KLHL29: variants seen among roughly 807,000 people sequenced by gnomAD.
KLHL29 encodes kelch like family member 29, also known as kelch-like protein 29.
A neutral mutation model predicts 80.4 loss-of-function variants in KLHL29; 21 were observed. The observed-to-expected ratio is 0.26, with a 90% CI of 0.19 to 0.38. KLHL29 has a LOEUF of 0.38. Among genes scored for constraint, KLHL29 ranks in the 10% least tolerant of loss-of-function variants. KLHL29 has a pLI of 1.00. For missense variants in KLHL29, 867 were observed against 1,223.9 expected (o/e 0.71, Z 4.35); for synonymous variants, 511 against 526.8 (o/e 0.97, Z 0.41).
chr2:23,419,928 A>G (rs1363878505), intron 1 of KLHL29, among the ~76,000 whole-genome samples: 2 of 151,078 alleles, frequency 1.3e-5, no homozygotes, highest in Non-Finnish European at 2.9e-5. Context: ...TGACTTCACC[A>G]CTCCCTTCTC....
At chr2:23,446,824 G>A (rs1045392929) in intron 1 of KLHL29, among the ~76,000 whole-genome samples, 26 of 152,136 alleles carry the variant, frequency 1.7e-4, no homozygotes, top group African/African-American at 5.1e-4. Flanking sequence ...ATATATTGTC[G>A]AAAGAGGAGG....
intron 2 of KLHL29, among the ~76,000 whole-genome samples, chr2:23,484,706 C>T (rs755399906): frequency 6.6e-6 from 1 of 152,226 alleles, no homozygotes; most frequent in Non-Finnish European, 1.5e-5. Context: ...TCAAGGCTTT[C>T]TGAAATGCAT....
chr2:23,396,949 T>A (rs1666467528), intron 1 of KLHL29, among the ~76,000 whole-genome samples: 1 of 152,192 alleles, frequency 6.6e-6, no homozygotes, highest in Non-Finnish European at 1.5e-5. Flanking sequence ...AGTCGCTTTT[T>A]TTTCTCTGTA....
At chr2:23,443,522 A>G (rs975641550) in intron 1 of KLHL29, among the ~76,000 whole-genome samples, 30 of 152,316 alleles carry the variant, frequency 2.0e-4, no homozygotes, top group Admixed American at 3.9e-4. Context: ...TGACTGTTGG[A>G]AGAGACCAGG....
intron 2 of KLHL29, among the ~76,000 whole-genome samples, chr2:23,510,611 C>T (rs1665739227): frequency 6.6e-6 from 1 of 152,336 alleles, no homozygotes; most frequent in Non-Finnish European, 1.5e-5. Flanking sequence ...AACAATAAGG[C>T]CTGGCTTATC....
chr2:23,425,692 G>A (rs1173941503), intron 1 of KLHL29, among the ~76,000 whole-genome samples: 1 of 152,246 alleles, frequency 6.6e-6, no homozygotes, highest in Non-Finnish European at 1.5e-5. Flanking sequence ...CCGCTAAGCT[G>A]CTTTGCCAGC....
intron 11 of KLHL29, 78 bp from the exon 12 acceptor site, chr2:23,703,108 G>A: frequency 9.1e-7 from 1 of 1,097,218 alleles, no homozygotes; most frequent in East Asian, 3.2e-5. Context: ...GCAGATGGCA[G>A]TTTGCTGCCC....
At chr2:23,597,423 T>A (rs1668456261) in intron 3 of KLHL29, among the ~76,000 whole-genome samples, 1 of 94,798 alleles carries the variant, frequency 1.1e-5, no homozygotes, top group African/African-American at 4.1e-5. Flanking sequence ...TTTTTTTTTT[T>A]TTTTTTTTTT....
intron 4 of KLHL29, among the ~76,000 whole-genome samples, chr2:23,641,416 G>T (rs1247313929): frequency 6.6e-6 from 1 of 152,120 alleles, no homozygotes; most frequent in Non-Finnish European, 1.5e-5. Flanking sequence ...CTCCCCTCCT[G>T]CGAGGACCAT....
At chr2:23,664,411 G>A (rs1670499919) in intron 5 of KLHL29, among the ~76,000 whole-genome samples, 1 of 152,126 alleles carries the variant, frequency 6.6e-6, no homozygotes, top group African/African-American at 2.4e-5. Flanking sequence ...GGGGCTTTGG[G>A]TTCTAAATTT....
chr2:23,527,364 C>T (rs1297547877), intron 2 of KLHL29, among the ~76,000 whole-genome samples: 1 of 152,192 alleles, frequency 6.6e-6, no homozygotes, highest in Admixed American at 6.5e-5. Context: ...ATTAGTATAC[C>T]ACACTGTGTC....
At chr2:23,427,619 C>T (rs1663039175) in intron 1 of KLHL29, among the ~76,000 whole-genome samples, 1 of 152,124 alleles carries the variant, frequency 6.6e-6, no homozygotes, top group Admixed American at 6.6e-5. Flanking sequence ...GTTAAAATGG[C>T]TTTGAGGGAG....
chr2:23,512,887 G>A (rs1005080766), intron 2 of KLHL29, among the ~76,000 whole-genome samples: 1 of 152,264 alleles, frequency 6.6e-6, no homozygotes, highest in South Asian at 2.1e-4. Context: ...GTGACAACGT[G>A]TCGTACTTCT....
intron 3 of KLHL29, among the ~76,000 whole-genome samples, chr2:23,604,145 T>A (rs1572431893): frequency 1.8e-5 from 1 of 54,538 alleles, no homozygotes; most frequent in African/African-American, 6.3e-5. Flanking sequence ...TGTTTTTTTA[T>A]TTTTTTTATT....
chr2:23,509,837 T>C (rs551122468), intron 2 of KLHL29, among the ~76,000 whole-genome samples: 21 of 152,290 alleles, frequency 1.4e-4, no homozygotes, highest in African/African-American at 5.1e-4. Context: ...GGTGCTGCTT[T>C]TGACAGCTGA....
intron 2 of KLHL29, among the ~76,000 whole-genome samples, chr2:23,559,006 T>A (rs571733638): frequency 1.3e-5 from 2 of 152,204 alleles, no homozygotes; most frequent in South Asian, 4.2e-4. Context: ...GGGCACCATT[T>A]GCTCAGGGGA....
At chr2:23,508,651 G>A (rs150437872) in intron 2 of KLHL29, among the ~76,000 whole-genome samples, 315 of 152,300 alleles carry the variant, frequency 2.1e-3, no homozygotes, top group South Asian at 4.6e-3. Context: ...TCTCAGCCGC[G>A]GGATCCCCGC....
At chr2:23,536,566 C>T (rs1666668731) in intron 2 of KLHL29, among the ~76,000 whole-genome samples, 1 of 152,214 alleles carries the variant, frequency 6.6e-6, no homozygotes, top group Admixed American at 6.5e-5. Context: ...AACTCACAGG[C>T]AACCCTTCCC....
Position 23,484,658 on chromosome 2 carries a change from C to G in KLHL29, c.-46+8991C>G, listed in dbSNP as rs796733235. Among the ~76,000 whole-genome samples, 14 of 152,314 alleles carry G rather than the reference C, an allele frequency of 9.2e-5. 1 individual carries two copies. Among genetic ancestry groups the G allele is most frequent in the African/African-American group, 3.4e-4 (14 of 41,570 alleles). On this transcript the variant is annotated intron_variant, in intron 2 of 13. Transcript: ENST00000486442. ...CACAGAGAGGAGGTGTCCTCCCTCT[C>G]CATCTCAGAACAGTGTGATTATTTA...
Sources: allele counts gnomAD v4.1 joint callset (sites outside exome capture counted in the v4.1 genomes callset), GRCh38; gene constraint gnomAD v4.1.1; transcripts MANE v1.5; gene names NCBI Gene and HGNC (gene_info 2026-07-23, HGNC 2026-07-21).